Variants in RTCA observed in about 807,000 individuals in gnomAD.
RTCA encodes RNA 3'-terminal phosphate cyclase, also known as RNA terminal phosphate cyclase domain 1.
In RTCA, 37 loss-of-function variants were observed where a neutral mutation model predicts 46.1. The ratio of observed to expected loss-of-function variants is 0.80; its 90% CI spans 0.62 to 1.06. The LOEUF (loss-of-function observed/expected upper bound fraction) is 1.06, where lower values mean the gene tolerates loss of function less well. Ranked by LOEUF, RTCA falls within the 50% of genes least tolerant of loss-of-function variation. The pLI is 0.00. For synonymous variants in RTCA, 164 were observed against 158.3 expected, an observed-to-expected ratio of 1.04 and a Z score of -0.27; for missense variants, 435 against 455.5, an observed-to-expected ratio of 0.95 and a Z score of 0.41.
rs776198099 is a variant in RTCA at position 100,277,345 on chromosome 1, C to T, written c.799+29C>T. On this transcript the variant is annotated intron_variant, in intron 8 of 10. Transcript: ENST00000370128. ...AGATAAATGAAGGGGGTCCATAGTT[C>T]CCAATGCTACTGCAGAATTCTTTAA... is the stretch of plus-strand genomic sequence containing the variant. 3.8e-6 allele frequency: 6 copies of T among 1,565,402 alleles called. No individual in the cohort carries two copies. In the South Asian group the frequency reaches 4.7e-5, roughly 12 times the overall value.
intron 10 of RTCA, 58 bp from the exon 11 acceptor site, chr1:100,291,345 G>A: frequency 1.8e-6 from 2 of 1,084,172 alleles, no homozygotes; most frequent in Non-Finnish European, 1.4e-6. Context: ...AGTTGGAGTT[G>A]TGGGCTCTTT....
chr1:100,291,612 A>G lies in RTCA; in HGVS notation c.*108A>G. 1.4e-6 allele frequency: 1 copy of G among 697,994 alleles called. No individual in the cohort carries two copies. The highest frequency in any genetic ancestry group is 2.4e-6 in the Non-Finnish European group (1 of 413,402). 43.2% of individuals were successfully genotyped at this position (697,994 alleles called of 1,614,324 possible). A position where few individuals can be genotyped will look rare whatever the true frequency, so the allele number is the denominator to read the frequency against. ...ATTAAAGGCTATGACTTAAATTTGA[A>G]GATGAAGTACAGTGTTCTAGGTTTG... is the stretch of plus-strand genomic sequence containing the variant. On this transcript the variant is annotated 3_prime_UTR_variant, in exon 11 of 11. Transcript: ENST00000370128.
intron 4 of RTCA, among the ~76,000 whole-genome samples, chr1:100,273,019 G>C (rs563292245): frequency 7.2e-4 from 110 of 152,222 alleles, no homozygotes; most frequent in African/African-American, 2.5e-3. Context: ...GATTTCAACT[G>C]TACAAAAAAT....
At chr1:100,275,098 T>C in intron 6 of RTCA, 133 bp downstream of exon 6, 1 of 910,878 alleles carries the variant, frequency 1.1e-6, no homozygotes. Flanking sequence ...TGTGGCAATA[T>C]GGCTGCAGCT....
intron 8 of RTCA, among the ~76,000 whole-genome samples, chr1:100,280,799 C>G (rs901271970): frequency 6.6e-6 from 1 of 152,124 alleles, no homozygotes; most frequent in Non-Finnish European, 1.5e-5. Context: ...CCCAAGTGTT[C>G]AAGACCAATC....
At chr1:100,267,102 A>G (rs1665826646) in intron 2 of RTCA, 1 of 219,730 alleles carries the variant, frequency 4.6e-6, no homozygotes, top group Non-Finnish European at 9.0e-6. Context: ...TGTTATGACC[A>G]GAATTATCTG....
In RTCA at chr1:100,291,560, TATAAA is replaced by T; in HGVS notation, c.*61_*65del. On this transcript the variant is annotated 3_prime_UTR_variant, in exon 11 of 11. Transcript: ENST00000370128. ...ATATATTGCACTATTTCATAAATAC[TATAAA>T]ATAATGACTAGGAAGTAACTTATTA... 7 of 1,034,960 alleles carry T rather than the reference TATAAA, an allele frequency of 6.8e-6. No homozygotes were observed. Among genetic ancestry groups the T allele is most frequent in the Non-Finnish European group, 1.0e-5 (7 of 686,832 alleles). 64.1% of individuals were successfully genotyped at this position (1,034,960 alleles called of 1,614,324 possible). A position where few individuals can be genotyped will look rare whatever the true frequency, so the allele number is the denominator to read the frequency against.
Position 100,285,332 on chromosome 1 carries a change from C to T in RTCA, c.894+10C>T, listed in dbSNP as rs1239926528. On this transcript the variant is annotated intron_variant, in intron 9 of 10. Coordinates refer to ENST00000370128, the MANE Select transcript of RTCA (RefSeq NM_003729.4). Reference sequence around the variant, plus strand: ...GTATCTGCAAGACCAGGTAATGACACATTTAGGTTAAAAACCCTCTAACCT... The same window carrying T: ...GTATCTGCAAGACCAGGTAATGACATATTTAGGTTAAAAACCCTCTAACCT... 1 of 1,593,298 alleles carries T rather than the reference C, an allele frequency of 6.3e-7. No homozygotes were observed. The highest frequency in any genetic ancestry group is 8.6e-7 in the Non-Finnish European group (1 of 1,161,610).
chr1:100,280,293 T>G (rs1570884901), intron 8 of RTCA, among the ~76,000 whole-genome samples: 1 of 152,336 alleles, frequency 6.6e-6, no homozygotes, highest in South Asian at 2.1e-4. Context: ...TGAGATTGAT[T>G]GTAAAGGGAT....
chr1:100,283,705 T>A (rs1666849001), intron 8 of RTCA, among the ~76,000 whole-genome samples: 1 of 151,548 alleles, frequency 6.6e-6, no homozygotes, highest in Non-Finnish European at 1.5e-5. Context: ...ACAAAACATG[T>A]TTCAAACCAT....
At chr1:100,283,935 G>GAAA (rs763030720) in intron 8 of RTCA, among the ~76,000 whole-genome samples, 3,703 of 55,046 alleles carry the variant, frequency 0.067, 111 homozygotes, top group Non-Finnish European at 0.12. Flanking sequence ...AAAAAAAAAA[G>GAAA]AAAAAAAAAA....
chr1:100,270,815 CTTTT>C, intron 4 of RTCA, 135 bp downstream of exon 4: 2 of 902,182 alleles, frequency 2.2e-6, no homozygotes, highest in South Asian at 2.0e-5. Context: ...TTCTTTCTTT[CTTTT>C]TTTTTTTGAG....
chr1:100,280,857 T>G (rs1388720911), intron 8 of RTCA, among the ~76,000 whole-genome samples: 1 of 152,098 alleles, frequency 6.6e-6, no homozygotes, highest in African/African-American at 2.4e-5. Context: ...CAAAAATTAC[T>G]TGAGCATGGT....
At chr1:100,272,559 C>A (rs1206889174) in intron 4 of RTCA, among the ~76,000 whole-genome samples, 2 of 152,084 alleles carry the variant, frequency 1.3e-5, no homozygotes, top group Non-Finnish European at 1.5e-5. Context: ...AACCTGTATA[C>A]CTCCTGGATA....
chr1:100,290,170 C>T (rs1639140155), intron 10 of RTCA, among the ~76,000 whole-genome samples: 1 of 152,104 alleles, frequency 6.6e-6, no homozygotes, highest in Admixed American at 6.5e-5. Flanking sequence ...AGTAAGGCCC[C>T]CAAGTGATGG....
rs186668543 is a variant in RTCA, at chr1:100,270,308, T to G, written c.291-249T>G. The stretch of plus-strand genomic sequence containing the variant: ...ACAGCTAATGTGTTTAGTTGAAGAT[T>G]CAGACCCAGGTTTGGTTATCATTTA... On this transcript the variant is annotated intron_variant, in intron 3 of 10. Coordinates refer to ENST00000370128, the MANE Select transcript of RTCA (RefSeq NM_003729.4). 1.2e-3 allele frequency among the ~76,000 whole-genome samples: 190 copies of G among 152,346 alleles called. 3 individuals carry two copies. The highest frequency in any genetic ancestry group is 4.4e-3 in the African/African-American group (183 of 41,578).
chr1:100,272,733 C>T (rs1486748952), intron 4 of RTCA, among the ~76,000 whole-genome samples: 1 of 152,136 alleles, frequency 6.6e-6, no homozygotes, highest in Admixed American at 6.6e-5. Context: ...AAAAATTAAT[C>T]TCTCCTCACC....
In RTCA at chr1:100,268,312, A is replaced by T; in HGVS notation, c.290+17A>T. The T allele has an allele frequency of 6.4e-7, 1 of 1,573,750 alleles. No individual in the cohort carries two copies. ...GACAGCAGGGTATGTATCACTTAAC[A>T]TTCCATTTAAGTAACCTGGGTTTAA... On this transcript the variant is annotated intron_variant, in intron 3 of 10. Coordinates refer to ENST00000370128, the MANE Select transcript of RTCA (RefSeq NM_003729.4).
At chr1:100,287,520 A>G (rs1301088496) in intron 10 of RTCA, among the ~76,000 whole-genome samples, 1 of 152,194 alleles carries the variant, frequency 6.6e-6, no homozygotes, top group Non-Finnish European at 1.5e-5. Context: ...TTCAAAACCC[A>G]TGTTATAATC....
Sources: gnomAD v4.1 joint callset for allele counts (sites outside exome capture counted in the v4.1 genomes callset) on GRCh38, gnomAD v4.1.1 for gene constraint, MANE v1.5 for transcripts, NCBI Gene and HGNC (gene_info 2026-07-23, HGNC 2026-07-21) for gene names.